Variants in NUDT16 observed in about 807,000 individuals in gnomAD.
The protein encoded by NUDT16 is U8 snoRNA-decapping enzyme.
In NUDT16, 12 loss-of-function variants were observed where a neutral mutation model predicts 11.7. The observed-to-expected ratio is 1.03, with a 90% CI of 0.66 to 1.67. The LOEUF is 1.67. Among genes scored for constraint, NUDT16 ranks in the 40% most tolerant of loss-of-function variants. The probability of loss-of-function intolerance (pLI) is 0.00; values close to 1 mark genes in which losing one functional copy is unlikely to be tolerated. For missense variants in NUDT16, 303 were observed against 268.9 expected (o/e 1.13, Z -0.89); for synonymous variants, 129 against 122.6 (o/e 1.05, Z -0.35).
chr3:131,386,533 T>C lies in NUDT16; in HGVS notation c.*3192T>C, dbSNP rs1037412314. On this transcript the variant is annotated 3_prime_UTR_variant, in exon 3 of 3. Coordinates refer to ENST00000521288, the MANE Select transcript of NUDT16 (RefSeq NM_152395.3). ...AGATCAGATGAGGCAGCACTTGGGA[T>C]AAGCTTGCAGAGATGCATTGAGCGG... 3 of 152,260 alleles carry C rather than the reference T, an allele frequency of 2.0e-5. No homozygotes were observed. The highest frequency in any genetic ancestry group is 7.2e-5 in the African/African-American group (3 of 41,464). The allele number at this position is 152,260 out of a possible 1,614,324, so 9.4% of individuals were successfully genotyped here. A position where few individuals can be genotyped will look rare whatever the true frequency, so the allele number is the denominator to read the frequency against.
chr3:131,381,838 G>A lies in NUDT16; in HGVS notation c.34G>A (p.Ala12Thr), dbSNP rs754777918. 70 of 1,589,366 alleles carry A rather than the reference G, an allele frequency of 4.4e-5. No individual in the cohort carries two copies. The highest frequency in any genetic ancestry group is 1.2e-4 in the Admixed American group (7 of 57,570). Residue 12 changes from alanine to threonine, a missense_variant, in exon 1 of 3, where the codon GCC (alanine) becomes ACC (threonine). Coordinates refer to ENST00000521288, the MANE Select transcript of NUDT16 (RefSeq NM_152395.3). ...AGCCCGCAGGCTGGAGCTAGGCGAG[G>A]CCCTGGCGCTGGGGTCGGGCTGGCG... ...AGARRLELGE[A>T]LALGSGWRHA...
rs548336099 is a variant in NUDT16, at chr3:131,383,740, G to A, written c.*399G>A. 72 of 418,442 alleles carry A rather than the reference G, an allele frequency of 1.7e-4. 2 individuals are homozygous for A. In the East Asian group the frequency reaches 3.5e-3, roughly 21 times the overall value. 25.9% of individuals were successfully genotyped at this position (418,442 alleles called of 1,614,324 possible). A position where few individuals can be genotyped will look rare whatever the true frequency, so the allele number is the denominator to read the frequency against. On this transcript the variant is annotated 3_prime_UTR_variant, in exon 3 of 3. Coordinates refer to ENST00000521288, the MANE Select transcript of NUDT16 (RefSeq NM_152395.3). The surrounding 1 kb of genome is among the most constrained non-coding windows in gnomAD (Gnocchi z 4.4). ...TGATTGCAAGGAGCTTCTGAAGCAAGGGTGAATCCTTCCCACACTCCTCCA... is the reference window on the plus strand; with the variant it reads ...TGATTGCAAGGAGCTTCTGAAGCAAAGGTGAATCCTTCCCACACTCCTCCA...
In NUDT16 at chr3:131,382,142, G is replaced by C; in HGVS notation, c.235G>C (p.Glu79Gln). The change falls in exon 2 of 3, where the codon GAG becomes CAG. Residue 79 changes from glutamate to glutamine, a missense_variant. Coordinates refer to ENST00000521288, the MANE Select transcript of NUDT16 (RefSeq NM_152395.3). ...LEDGLNRELR[E>Q]ELGEAAAAFR... is the part of the protein sequence containing the mutation. ...GGACGGGCTGAACCGCGAGCTGCGC[G>C]AGGAGCTGGGCGAAGCGGCTGCCGC... 1 of 1,611,758 alleles carries C rather than the reference G, an allele frequency of 6.2e-7. No individual in the cohort carries two copies. The highest frequency in any genetic ancestry group is 8.5e-7 in the Non-Finnish European group (1 of 1,179,228).
In NUDT16 at chr3:131,382,001, C is replaced by T. The variant is rs1380597759; in HGVS notation, c.139-45C>T. 5 of 1,588,026 alleles carry T rather than the reference C, an allele frequency of 3.1e-6. No individual in the cohort carries two copies. In the Admixed American group the frequency reaches 5.2e-5, roughly 17 times the overall value. The stretch of plus-strand genomic sequence containing the variant: ...TGAGCCCCGCACCCTCTCTGGTGGT[C>T]TCCTCTGGGGCGCCCCTGCCAATCC... On this transcript the variant is annotated intron_variant, in intron 1 of 2. Coordinates refer to ENST00000521288, the MANE Select transcript of NUDT16 (RefSeq NM_152395.3).
upstream of NUDT16, chr3:131,381,677 C>G (rs1284004371): frequency 9.3e-7 from 1 of 1,075,480 alleles, no homozygotes. Context: ...CCCCAGGCGC[C>G]TAGGTTCCTC....
At chr3:131,382,754 C>A in intron 2 of NUDT16, 3 of 1,297,340 alleles carry the variant, frequency 2.3e-6, no homozygotes, top group Non-Finnish European at 3.0e-6. Context: ...ATCGGGGCGT[C>A]TTATTAAAAT....
Position 131,385,290 on chromosome 3 carries a change from G to A in NUDT16, c.*1949G>A, listed in dbSNP as rs1413474029. ...AATCTCAGGTAAAGGCAAAATAGAGGGTATGACCTGGGGTTGCTGGCCAGA... is the reference window on the plus strand; with the variant it reads ...AATCTCAGGTAAAGGCAAAATAGAGAGTATGACCTGGGGTTGCTGGCCAGA... On this transcript the variant is annotated 3_prime_UTR_variant, in exon 3 of 3. Transcript: ENST00000521288. The A allele has an allele frequency of 1.3e-5, 2 of 152,300 alleles. No individual in the cohort carries two copies. Among genetic ancestry groups the A allele is most frequent in the Non-Finnish European group, 2.9e-5 (2 of 68,172 alleles). 9.4% of individuals were successfully genotyped at this position (152,300 alleles called of 1,614,324 possible). A position where few individuals can be genotyped will look rare whatever the true frequency, so the allele number is the denominator to read the frequency against.
chr3:131,383,533 A>G lies in NUDT16; in HGVS notation c.*192A>G. ...CTTATGGCATCAGGGGCAAAAAGTC[A>G]CAGCTTATCCCAGGCACCCTGGCAG... On this transcript the variant is annotated 3_prime_UTR_variant, in exon 3 of 3. Coordinates refer to ENST00000521288, the MANE Select transcript of NUDT16 (RefSeq NM_152395.3). The surrounding 1 kb of genome is among the most constrained non-coding windows in gnomAD (Gnocchi z 4.4). 7.4e-7 allele frequency: 1 copy of G among 1,353,526 alleles called. No homozygotes were observed. Among genetic ancestry groups the G allele is most frequent in the Non-Finnish European group, 9.9e-7 (1 of 1,008,314 alleles). 83.8% of individuals were successfully genotyped at this position (1,353,526 alleles called of 1,614,324 possible).
chr3:131,382,756 TATTA>T, intron 2 of NUDT16: 1 of 1,318,908 alleles, frequency 7.6e-7, no homozygotes, highest in Non-Finnish European at 9.8e-7. Flanking sequence ...CGGGGCGTCT[TATTA>T]AAATAGCGAT....
chr3:131,385,223 T>C lies in NUDT16; in HGVS notation c.*1882T>C, dbSNP rs1047971544. 1.3e-5 allele frequency: 2 copies of C among 152,210 alleles called. No individual in the cohort carries two copies. The highest frequency in any genetic ancestry group is 2.9e-5 in the Non-Finnish European group (2 of 68,102). 9.4% of individuals were successfully genotyped at this position (152,210 alleles called of 1,614,324 possible). Reference sequence around the variant, plus strand: ...GTGAGGGGTTGGGCAGGGAGGTATATTTGAGCCAGACAGGAGTGCTTTGGA... The same window carrying C: ...GTGAGGGGTTGGGCAGGGAGGTATACTTGAGCCAGACAGGAGTGCTTTGGA... On this transcript the variant is annotated 3_prime_UTR_variant, in exon 3 of 3. Transcript: ENST00000521288.
chr3:131,382,736 G>A (rs1254023295), intron 2 of NUDT16: 12 of 1,382,140 alleles, frequency 8.7e-6, no homozygotes, highest in Non-Finnish European at 1.1e-5. Flanking sequence ...TTGGCAGGTA[G>A]CAGAATCATC....
At chr3:131,381,684 C>T, upstream of NUDT16, 1 of 1,133,700 alleles carries the variant, frequency 8.8e-7, no homozygotes, top group Non-Finnish European at 1.2e-6. Flanking sequence ...CGCCTAGGTT[C>T]CTCCCCTTAT....
In NUDT16 at chr3:131,382,166, G is replaced by T; in HGVS notation, c.259G>T (p.Ala87Ser). Residue 87 changes from alanine (A) to serine (S), a missense_variant, in exon 2 of 3, where the codon GCT becomes TCT. Ala to Ser is a moderately conservative substitution (Grantham distance 99, BLOSUM62 1). Coordinates refer to ENST00000521288, the MANE Select transcript of NUDT16 (RefSeq NM_152395.3). ...CGAGGAGCTGGGCGAAGCGGCTGCC[G>T]CTTTCCGCGTGGAGCGCACTGACTA... Reference protein sequence around the residue: ...LREELGEAAAAFRVERTDYRS... With the variant: ...LREELGEAAASFRVERTDYRS... The T allele has an allele frequency of 6.2e-7, 1 of 1,612,112 alleles. No individual in the cohort carries two copies. The highest frequency in any genetic ancestry group is 8.5e-7 in the Non-Finnish European group (1 of 1,179,404).
At position 131,383,042 on chromosome 3, in the gene NUDT16, G is replaced by T; in HGVS notation, c.409-120G>T. 8.9e-7 allele frequency: 1 copy of T among 1,122,986 alleles called. No individual in the cohort carries two copies. Among genetic ancestry groups the T allele is most frequent in the East Asian group, 2.4e-5 (1 of 42,242 alleles). The allele number at this position is 1,122,986 out of a possible 1,614,324, so 69.6% of individuals were successfully genotyped here. On this transcript the variant is annotated intron_variant, in intron 2 of 2. Transcript: ENST00000521288. The surrounding 1 kb of genome is among the most constrained non-coding windows in gnomAD (Gnocchi z 4.4). ...GCCACTAGGCTTTAGTGAGGTGTGAGCCTTGGGCCTGGTTCTGCTGGAGTA... is the reference window on the plus strand; with the variant it reads ...GCCACTAGGCTTTAGTGAGGTGTGATCCTTGGGCCTGGTTCTGCTGGAGTA...
rs577805527 is a variant in NUDT16 at position 131,386,154 on chromosome 3, C to G, written c.*2813C>G. On this transcript the variant is annotated 3_prime_UTR_variant, in exon 3 of 3. Transcript: ENST00000521288. ...CTATATGATCCCTTGAACATACTCTCCAAGTCAGTAGATTACCTCTCAGGC... is the reference window on the plus strand; with the variant it reads ...CTATATGATCCCTTGAACATACTCTGCAAGTCAGTAGATTACCTCTCAGGC... 6.6e-6 allele frequency: 1 copy of G among 152,314 alleles called. No homozygotes were observed. Among genetic ancestry groups the G allele is most frequent in the South Asian group, 2.1e-4 (1 of 4,826 alleles). The allele number at this position is 152,314 out of a possible 1,614,324, so 9.4% of individuals were successfully genotyped here.
rs920797645 is a variant in NUDT16 at position 131,385,414 on chromosome 3, TGAG to T, written c.*2077_*2079del. On this transcript the variant is annotated 3_prime_UTR_variant, in exon 3 of 3. Transcript: ENST00000521288. The stretch of plus-strand genomic sequence containing the variant: ...GCTGAAGCAAGAAACCGACAGATGT[TGAG>T]GAGAATGGTGTGACCTAGGAGTCAG... The T allele has an allele frequency of 6.6e-6, 1 of 152,426 alleles. No individual in the cohort carries two copies. The highest frequency in any genetic ancestry group is 1.5e-5 in the Non-Finnish European group (1 of 68,116). 9.4% of individuals were successfully genotyped at this position (152,426 alleles called of 1,614,324 possible).
chr3:131,387,074 A>C lies in NUDT16; in HGVS notation c.*3733A>C, dbSNP rs2110662711. ...GGCATCAGAATTTGAACCAAAGTAA[A>C]AGATGCTGGACCTTGGCACTTATCA... On this transcript the variant is annotated 3_prime_UTR_variant, in exon 3 of 3. Coordinates refer to ENST00000521288, the MANE Select transcript of NUDT16 (RefSeq NM_152395.3). The C allele has an allele frequency of 6.6e-6, 1 of 152,352 alleles. No homozygotes were observed. 9.4% of individuals were successfully genotyped at this position (152,352 alleles called of 1,614,324 possible).
rs1045439301 is a variant in NUDT16 at position 131,387,986 on chromosome 3, G to A, written c.*4645G>A. 2 of 152,200 alleles carry A rather than the reference G, an allele frequency of 1.3e-5. No homozygotes were observed. The highest frequency in any genetic ancestry group is 4.8e-5 in the African/African-American group (2 of 41,444). 9.4% of individuals were successfully genotyped at this position (152,200 alleles called of 1,614,324 possible). On this transcript the variant is annotated 3_prime_UTR_variant, in exon 3 of 3. Transcript: ENST00000521288. ...TGCTCTGGAAGATTCATTCCAAGGA[G>A]TAGAAGTGGTATTTACTCAGGGCAT... is the stretch of plus-strand genomic sequence containing the variant.
rs751370678 is a variant in NUDT16, at chr3:131,388,106, C to T, written c.*4765C>T. ...CAAGAAAGAATTTAAGGAGAGGGAT[C>T]TCTCTGTTAGAGAACTTAACATTAC... On this transcript the variant is annotated 3_prime_UTR_variant, in exon 3 of 3. Transcript: ENST00000521288. 4 of 152,136 alleles carry T rather than the reference C, an allele frequency of 2.6e-5. No individual in the cohort carries two copies. Among genetic ancestry groups the T allele is most frequent in the Non-Finnish European group, 5.9e-5 (4 of 68,050 alleles). 9.4% of individuals were successfully genotyped at this position (152,136 alleles called of 1,614,324 possible). A position where few individuals can be genotyped will look rare whatever the true frequency, so the allele number is the denominator to read the frequency against.
Sources: allele counts gnomAD v4.1 joint callset, GRCh38; gene constraint gnomAD v4.1.1; non-coding constraint Gnocchi (gnomAD v3.1); transcripts MANE v1.5; gene names NCBI Gene and HGNC (gene_info 2026-07-23, HGNC 2026-07-21).